CSGALNACT1: variants seen among roughly 807,000 people sequenced by gnomAD.
The protein encoded by CSGALNACT1 is beta4GalNAcT-1.
In CSGALNACT1, 52 loss-of-function variants were observed where a neutral mutation model predicts 51.0. The observed-to-expected ratio is 1.02, with a 90% CI of 0.82 to 1.29. CSGALNACT1 has a LOEUF of 1.29. CSGALNACT1 is among the 50% of genes most tolerant of loss of function. The probability of loss-of-function intolerance (pLI) is 0.00; values close to 1 mark genes in which losing one functional copy is unlikely to be tolerated. For missense variants in CSGALNACT1, 935 were observed against 679.2 expected (o/e 1.38, Z -4.19); for synonymous variants, 341 against 254.4 (o/e 1.34, Z -3.24).
intron 1 of CSGALNACT1, among the ~76,000 whole-genome samples, chr8:19,643,987 T>C (rs2057002033): frequency 6.6e-6 from 1 of 152,248 alleles, no homozygotes; most frequent in South Asian, 2.1e-4. Flanking sequence ...CAAAGATGTC[T>C]ATGCAGTCAT....
chr8:19,505,708 G>A, exon 4 of CSGALNACT1: 1 of 1,614,198 alleles, frequency 6.2e-7, no homozygotes, highest in South Asian at 1.1e-5. Context: ...GGCAGTGCCA[G>A]CTGCTCCTCG....
chr8:19,409,030 C>T (rs1315389536), intron 8 of CSGALNACT1, among the ~76,000 whole-genome samples: 2 of 150,612 alleles, frequency 1.3e-5, no homozygotes, highest in African/African-American at 2.4e-5. Flanking sequence ...CGTGGAAAAG[C>T]CACCTACGTG....
At chr8:19,627,722 G>A (rs531087165) in intron 1 of CSGALNACT1, among the ~76,000 whole-genome samples, 4 of 152,294 alleles carry the variant, frequency 2.6e-5, no homozygotes, top group Admixed American at 1.3e-4. Context: ...CTACGTTGGA[G>A]GCTCAGGTGG....
At chr8:19,518,285 A>C (rs535738925) in intron 3 of CSGALNACT1, among the ~76,000 whole-genome samples, 1 of 152,340 alleles carries the variant, frequency 6.6e-6, no homozygotes, top group Admixed American at 6.5e-5. Flanking sequence ...GACATACATA[A>C]GCAAGCTGGG....
chr8:19,566,016 G>A (rs149920076), intron 3 of CSGALNACT1, among the ~76,000 whole-genome samples: 117 of 152,302 alleles, frequency 7.7e-4, no homozygotes, highest in African/African-American at 2.6e-3. Context: ...CAGCTTCCAC[G>A]TTGTAAATAG....
intron 8 of CSGALNACT1, among the ~76,000 whole-genome samples, chr8:19,409,940 G>C (rs994918154): frequency 6.6e-6 from 1 of 152,052 alleles, no homozygotes; most frequent in East Asian, 1.9e-4. Flanking sequence ...TCACATCCAA[G>C]TGTTTATCAC....
In CSGALNACT1 at chr8:19,658,224, C is replaced by A. The variant is rs527721228; in HGVS notation, c.-544+24249G>T. ...TTATAAAGCAAAGGCCATGTGCACA[C>A]ACAGCCAGGAGGTAGCTGTCTGGAA... On this transcript the variant is annotated intron_variant, in intron 1 of 9. Transcript: ENST00000332246. 5.2e-4 allele frequency among the ~76,000 whole-genome samples: 79 copies of A among 152,168 alleles called. 2 individuals are homozygous for A. The highest frequency in any genetic ancestry group is 6.8e-3 in the Middle Eastern group (2 of 294).
At chr8:19,746,966 G>C (rs1054074732) in intron 1 of CSGALNACT1, among the ~76,000 whole-genome samples, 1 of 152,196 alleles carries the variant, frequency 6.6e-6, no homozygotes, top group Admixed American at 6.5e-5. Flanking sequence ...CCAGGGAAAG[G>C]GGTTTAAAGA....
chr8:19,458,770 C>A, intron 4 of CSGALNACT1, 128 bp from the exon 4 acceptor site: 1 of 894,912 alleles, frequency 1.1e-6, no homozygotes, highest in Non-Finnish European at 1.8e-6. Flanking sequence ...AACAATTATT[C>A]GAAAATTCAA....
intron 1 of CSGALNACT1, among the ~76,000 whole-genome samples, chr8:19,693,821 G>A (rs948587535): frequency 3.3e-5 from 5 of 151,910 alleles, no homozygotes; most frequent in African/African-American, 4.8e-5. Context: ...TCTTGAATTC[G>A]GTAACTATTA....
intron 3 of CSGALNACT1, among the ~76,000 whole-genome samples, chr8:19,515,753 C>A (rs1052537456): frequency 2.6e-5 from 4 of 151,946 alleles, no homozygotes; most frequent in South Asian, 2.1e-4. Flanking sequence ...TGCTGGCAAA[C>A]TTTTAGAGAG....
intron 4 of CSGALNACT1, among the ~76,000 whole-genome samples, chr8:19,462,539 C>T (rs1182282333): frequency 6.6e-6 from 1 of 152,140 alleles, no homozygotes; most frequent in African/African-American, 2.4e-5. Context: ...ATACAGAATG[C>T]CAGCTGCCTT....
At chr8:19,694,951 A>C (rs543692648) in intron 1 of CSGALNACT1, among the ~76,000 whole-genome samples, 125 of 152,304 alleles carry the variant, frequency 8.2e-4, no homozygotes, top group African/African-American at 2.9e-3. Flanking sequence ...AAAACGGCCC[A>C]GACCCTTTCC....
chr8:19,528,917 T>G (rs1371188509), intron 3 of CSGALNACT1, among the ~76,000 whole-genome samples: 1 of 152,200 alleles, frequency 6.6e-6, no homozygotes, highest in Non-Finnish European at 1.5e-5. Flanking sequence ...AAGTGGGATG[T>G]GACTGGGGAA....
intron 4 of CSGALNACT1, among the ~76,000 whole-genome samples, chr8:19,496,710 A>C (rs910131064): frequency 7.2e-5 from 11 of 152,140 alleles, no homozygotes; most frequent in African/African-American, 2.7e-4. Context: ...GAGAAAAGAG[A>C]TATGAGCCCT....
At chr8:19,410,340 C>T (rs2055385343) in intron 8 of CSGALNACT1, among the ~76,000 whole-genome samples, 1 of 152,306 alleles carries the variant, frequency 6.6e-6, no homozygotes, top group East Asian at 1.9e-4. Flanking sequence ...GGAAAAGTCT[C>T]CACGGAGTCA....
intron 3 of CSGALNACT1, among the ~76,000 whole-genome samples, chr8:19,516,325 A>T (rs2079520717): frequency 6.6e-6 from 1 of 152,200 alleles, no homozygotes; most frequent in Admixed American, 6.5e-5. Context: ...GCCCAGCTTC[A>T]AACCCAGCTC....
chr8:19,721,743 G>C (rs182394890), intron 1 of CSGALNACT1, among the ~76,000 whole-genome samples: 7 of 152,288 alleles, frequency 4.6e-5, no homozygotes, highest in Non-Finnish European at 7.4e-5. Context: ...CACGCATTAT[G>C]CTGAGAACAC....
chr8:19,480,573 A>C (rs1419771145), intron 4 of CSGALNACT1, among the ~76,000 whole-genome samples: 2 of 152,186 alleles, frequency 1.3e-5, no homozygotes, highest in Non-Finnish European at 2.9e-5. Flanking sequence ...TGCTGCAATG[A>C]ACATATGGGT....
Sources: allele counts gnomAD v4.1 joint callset (sites outside exome capture counted in the v4.1 genomes callset), GRCh38; gene constraint gnomAD v4.1.1; transcripts MANE v1.5; gene names NCBI Gene and HGNC (gene_info 2026-07-23, HGNC 2026-07-21).